Variants in ZFHX3 observed in about 807,000 individuals in gnomAD.
ZFHX3 encodes zinc finger homeobox protein 3.
ZFHX3 carries 42 observed loss-of-function variants against 279.1 expected under a neutral mutation model. That is an observed-to-expected ratio of 0.15 (90% CI 0.12 to 0.19). ZFHX3 has a LOEUF of 0.19. Among genes scored for constraint, ZFHX3 ranks in the 10% least tolerant of loss-of-function variants. ZFHX3 has a pLI of 1.00. For missense variants in ZFHX3, 4,981 were observed against 4,754.0 expected, an observed-to-expected ratio of 1.05 and a Z score of -1.40; for synonymous variants, 2,293 against 1,957.8, an observed-to-expected ratio of 1.17 and a Z score of -4.52.
intron 3 of ZFHX3, among the ~76,000 whole-genome samples, chr16:72,947,047 A>G (rs1960718615): frequency 6.6e-6 from 1 of 152,168 alleles, no homozygotes; most frequent in African/African-American, 2.4e-5. Flanking sequence ...AAGACGGTAA[A>G]TGTTAGGACG....
chr16:73,317,166 C>T (rs961615379), intron 4 of ZFHX3, among the ~76,000 whole-genome samples: 10 of 151,370 alleles, frequency 6.6e-5, no homozygotes, highest in South Asian at 2.1e-4. Context: ...ACAATACCCA[C>T]CATGATACTG....
chr16:73,708,420 G>C (rs757096211), intron 1 of ZFHX3, among the ~76,000 whole-genome samples: 6 of 152,120 alleles, frequency 3.9e-5, no homozygotes, highest in Admixed American at 6.5e-5. Context: ...TATGACACAG[G>C]TTCATTAAAG....
intron 2 of ZFHX3, among the ~76,000 whole-genome samples, chr16:73,573,586 G>A (rs1042015643): frequency 6.6e-6 from 1 of 152,182 alleles, no homozygotes; most frequent in Admixed American, 6.5e-5. Context: ...TACAGTCGTG[G>A]TTCATACAGT....
At chr16:73,645,502 C>T (rs138827561) in intron 2 of ZFHX3, among the ~76,000 whole-genome samples, 9,236 of 152,122 alleles carry the variant, frequency 0.061, 938 homozygotes, top group African/African-American at 0.21. Context: ...GTGATCTGCC[C>T]GCCTTGGCCT....
chr16:73,587,306 G>A (rs898958706), intron 2 of ZFHX3, among the ~76,000 whole-genome samples: 1 of 152,158 alleles, frequency 6.6e-6, no homozygotes, highest in Non-Finnish European at 1.5e-5. Context: ...TTAAAAAACT[G>A]AGATGTTTAG....
intron 3 of ZFHX3, among the ~76,000 whole-genome samples, chr16:72,911,878 G>A (rs1259612857): frequency 6.6e-6 from 1 of 152,172 alleles, no homozygotes; most frequent in Non-Finnish European, 1.5e-5. Context: ...GGCAGGGGGA[G>A]AGGGATGCGG....
chr16:73,752,502 C>T (rs1206742132), intron 1 of ZFHX3, among the ~76,000 whole-genome samples: 1 of 152,170 alleles, frequency 6.6e-6, no homozygotes, highest in African/African-American at 2.4e-5. Context: ...CTCTTTCTCC[C>T]TGTGTTGGTT....
At chr16:73,100,061 G>A (rs985692403) in intron 7 of ZFHX3, among the ~76,000 whole-genome samples, 5 of 152,140 alleles carry the variant, frequency 3.3e-5, no homozygotes, top group Admixed American at 2.0e-4. Flanking sequence ...GAATTCAGAC[G>A]AAAGATACCT....
intron 1 of ZFHX3, among the ~76,000 whole-genome samples, chr16:72,980,619 A>C (rs1370890454): frequency 6.6e-6 from 1 of 151,558 alleles, no homozygotes; most frequent in Non-Finnish European, 1.5e-5. Flanking sequence ...AAAAAAAACA[A>C]AAACAGCTGG....
intron 2 of ZFHX3, among the ~76,000 whole-genome samples, chr16:72,951,872 C>A (rs1186214497): frequency 2.0e-5 from 3 of 152,194 alleles, no homozygotes; most frequent in Non-Finnish European, 4.4e-5. Context: ...AACTACGGAA[C>A]TGAATTTTCA....
intron 3 of ZFHX3, among the ~76,000 whole-genome samples, chr16:73,455,236 C>T (rs560026297): frequency 6.6e-6 from 1 of 152,198 alleles, no homozygotes; most frequent in Non-Finnish European, 1.5e-5. Flanking sequence ...AATAGCACCT[C>T]TTATCTGAGA....
chr16:72,817,737 G>A (rs540425409), intron 5 of ZFHX3, among the ~76,000 whole-genome samples: 61 of 152,276 alleles, frequency 4.0e-4, no homozygotes, highest in Non-Finnish European at 7.2e-4. Context: ...CCTGGAGGTG[G>A]TAATCACCGA....
intron 2 of ZFHX3, among the ~76,000 whole-genome samples, chr16:73,641,416 C>T (rs984636396): frequency 5.3e-5 from 8 of 152,050 alleles, no homozygotes; most frequent in Non-Finnish European, 8.8e-5. Flanking sequence ...CTGAAGTGCA[C>T]GCTTACATAT....
intron 1 of ZFHX3, among the ~76,000 whole-genome samples, chr16:73,877,886 A>G (rs1874009843): frequency 6.6e-6 from 1 of 151,906 alleles, no homozygotes. Flanking sequence ...TCAAAGTTCA[A>G]CTCCCCCCAA....
chr16:73,533,335 T>C (rs1252795295), intron 2 of ZFHX3, among the ~76,000 whole-genome samples: 1 of 150,900 alleles, frequency 6.6e-6, no homozygotes, highest in African/African-American at 2.4e-5. Flanking sequence ...TATTCTGCCT[T>C]CTAGTTACCA....
chr16:72,798,360 A>C lies in ZFHX3; in HGVS notation c.4322T>G (p.Phe1441Cys), dbSNP rs139490332. The C allele has an allele frequency of 3.1e-6, 5 of 1,614,198 alleles. No individual in the cohort carries two copies. Among genetic ancestry groups the C allele is most frequent in the South Asian group, 1.1e-5 (1 of 91,080 alleles). ...CCLCQRSFRT[F>C]QALKKHLETS... is the part of the protein sequence containing the mutation. ...CTCAAGGTGCTTCTTCAGAGCCTGG[A>C]AAGTTCGGAAACTGCGCTGACAAAG... The change falls in exon 9 of 10, where the codon TTC becomes TGC. Residue 1441 changes from phenylalanine (F) to cysteine (C), a missense_variant. By Grantham distance (205) the Phe-to-Cys change is radical. Transcript: ENST00000268489.
At chr16:73,414,059 G>C (rs117427394) in intron 3 of ZFHX3, among the ~76,000 whole-genome samples, 10 of 152,204 alleles carry the variant, frequency 6.6e-5, no homozygotes, top group African/African-American at 2.4e-4. Context: ...TTAACCTTTC[G>C]CAGTTCACAC....
At chr16:73,568,622 A>T (rs2020482893) in intron 2 of ZFHX3, among the ~76,000 whole-genome samples, 1 of 152,156 alleles carries the variant, frequency 6.6e-6, no homozygotes, top group Non-Finnish European at 1.5e-5. Flanking sequence ...GGAAAGAGAA[A>T]AGGGAGAAAA....
At chr16:73,670,811 A>G (rs1000671322) in intron 2 of ZFHX3, among the ~76,000 whole-genome samples, 7 of 152,164 alleles carry the variant, frequency 4.6e-5, no homozygotes, top group African/African-American at 1.7e-4. Context: ...CATTTTATAA[A>G]TGAAATATTC....
Sources: gnomAD v4.1 joint callset for allele counts (sites outside exome capture counted in the v4.1 genomes callset) on GRCh38, gnomAD v4.1.1 for gene constraint, MANE v1.5 for transcripts, NCBI Gene and HGNC (gene_info 2026-07-23, HGNC 2026-07-21) for gene names.